KIF4A: variants seen among roughly 807,000 people sequenced by gnomAD.
KIF4A encodes the protein kinesin family member 4A, also known as chromosome-associated kinesin KIF4A.
In KIF4A, 7 loss-of-function variants were observed where a neutral mutation model predicts 105.9. The observed-to-expected ratio is 0.07, with a 90% CI of 0.04 to 0.12. The LOEUF (loss-of-function observed/expected upper bound fraction) is 0.12. Among genes scored for constraint, KIF4A ranks in the 10% least tolerant of loss-of-function variants. The pLI is 1.00. For synonymous variants in KIF4A, 281 were observed against 331.3 expected, an observed-to-expected ratio of 0.85 and a Z score of 1.65; for missense variants, 558 against 929.2, an observed-to-expected ratio of 0.60 and a Z score of 5.19.
At chrX:70,415,659 C>G (rs2086340620) in intron 28 of KIF4A, among the ~76,000 whole-genome samples, 1 of 103,800 alleles carries the variant, frequency 9.6e-6, no homozygotes, top group African/African-American at 3.5e-5. Flanking sequence ...GAATGATAAA[C>G]ACCTAATTCA....
At chrX:70,373,162 C>T (rs1336691943) in intron 15 of KIF4A, among the ~76,000 whole-genome samples, 1 of 109,024 alleles carries the variant, frequency 9.2e-6, no homozygotes, top group African/African-American at 3.3e-5. Context: ...GTCCTTGCTA[C>T]TCAGGAGGCT....
At chrX:70,405,252 C>T (rs988794949) in intron 25 of KIF4A, among the ~76,000 whole-genome samples, 10 of 111,670 alleles carry the variant, frequency 9.0e-5, no homozygotes, top group Non-Finnish European at 1.7e-4. Flanking sequence ...ACACCACACC[C>T]TTTAGTGGCA....
At chrX:70,344,299 A>G (rs2085983555) in intron 13 of KIF4A, among the ~76,000 whole-genome samples, 1 of 112,363 alleles carries the variant, frequency 8.9e-6, no homozygotes, top group Non-Finnish European at 1.9e-5. Context: ...CTAACTTAAA[A>G]AGAGGACTTG....
chrX:70,309,726 A>G (rs1033136462), intron 7 of KIF4A, among the ~76,000 whole-genome samples: 4 of 112,599 alleles, frequency 3.6e-5, no homozygotes, highest in South Asian at 3.6e-4. Flanking sequence ...ATATTTTTCA[A>G]TATGTTATTT....
intron 13 of KIF4A, among the ~76,000 whole-genome samples, chrX:70,350,911 A>G (rs1023299484): frequency 8.9e-6 from 1 of 111,865 alleles, no homozygotes; most frequent in South Asian, 3.8e-4. Flanking sequence ...TCACTTACAC[A>G]GAAGTGGTAA....
At chrX:70,329,319 T>C (rs772902985) in intron 7 of KIF4A, 86 bp from the exon 8 acceptor site, 106 of 862,885 alleles carry the variant, frequency 1.2e-4, no homozygotes, top group Middle Eastern at 3.5e-4. Context: ...TTATGGGGTC[T>C]TTATTTCTTT....
rs761668963 is a variant in KIF4A, at chrX:70,395,664, C to T, written c.2233-7C>T. On this transcript the variant is annotated splice_region_variant and splice_polypyrimidine_tract_variant and intron_variant, in intron 20 of 30. Coordinates refer to ENST00000374403, the MANE Select transcript of KIF4A (RefSeq NM_012310.5). ...CCTAACACAGACATCACTGATTTCT[C>T]TTCCAGAATTGGCTTGGAAACGAAA... The T allele has an allele frequency of 3.3e-6, 4 of 1,211,192 alleles. No individual in the cohort carries two copies. The highest frequency in any genetic ancestry group is 3.4e-6 in the Non-Finnish European group (3 of 895,230).
intron 15 of KIF4A, among the ~76,000 whole-genome samples, chrX:70,354,782 C>T (rs1446358191): frequency 8.9e-6 from 1 of 111,821 alleles, no homozygotes; most frequent in Non-Finnish European, 1.9e-5. Context: ...CCCCAGGGCC[C>T]ACGACTGCAG....
chrX:70,399,429 A>G (rs1461380193), intron 22 of KIF4A, among the ~76,000 whole-genome samples: 1 of 111,646 alleles, frequency 9.0e-6, no homozygotes, highest in Non-Finnish European at 1.9e-5. Flanking sequence ...TGTATCTGCC[A>G]CTGTGAACTT....
At chrX:70,338,601 C>T (rs1261529016) in intron 10 of KIF4A, among the ~76,000 whole-genome samples, 1 of 112,166 alleles carries the variant, frequency 8.9e-6, no homozygotes, top group African/African-American at 3.2e-5. Flanking sequence ...ACTGCTGCTG[C>T]AAACATTCAC....
chrX:70,311,966 GA>G (rs898784751), intron 7 of KIF4A, among the ~76,000 whole-genome samples: 25 of 98,322 alleles, frequency 2.5e-4, no homozygotes, highest in Admixed American at 1.1e-4. Context: ...AAAAAAAAAA[GA>G]AAAAAAAATA....
intron 28 of KIF4A, among the ~76,000 whole-genome samples, chrX:70,408,127 G>A (rs1179730370): frequency 9.1e-6 from 1 of 109,848 alleles, no homozygotes; most frequent in Non-Finnish European, 1.9e-5. Flanking sequence ...ATGGACCCCC[G>A]ACCCACAGGA....
rs754326864 is a variant in KIF4A at position 70,363,226 on chromosome X, T to G, written c.1674+9419T>G. Among the ~76,000 whole-genome samples the G allele has an allele frequency of 4.2e-5, 4 of 94,804 alleles. No homozygotes were observed. In the East Asian group the frequency reaches 1.3e-3, roughly 31 times the overall value. 82.3% of individuals were successfully genotyped at this position (94,804 alleles called of 115,157 possible). On this transcript the variant is annotated intron_variant, in intron 15 of 30. Transcript: ENST00000374403. The stretch of plus-strand genomic sequence containing the variant: ...TAGGGACTAAATGTGGTGTATATAA[T>G]GAATAGAAACTATTTTTCTTTTTTT...
At chrX:70,295,165 T>C (rs2085776693) in intron 3 of KIF4A, among the ~76,000 whole-genome samples, 1 of 111,616 alleles carries the variant, frequency 9.0e-6, no homozygotes, top group Non-Finnish European at 1.9e-5. Context: ...TTACCAGAAC[T>C]AAGCCCAAAC....
At chrX:70,294,533 A>G (rs2085773399) in intron 3 of KIF4A, among the ~76,000 whole-genome samples, 1 of 112,555 alleles carries the variant, frequency 8.9e-6, no homozygotes, top group Non-Finnish European at 1.9e-5. Context: ...TTACCCCAGC[A>G]TCAACACAAA....
At chrX:70,346,848 C>T (rs2085994993) in intron 13 of KIF4A, among the ~76,000 whole-genome samples, 1 of 112,016 alleles carries the variant, frequency 8.9e-6, no homozygotes, top group South Asian at 3.8e-4. Flanking sequence ...TTTATTAAGA[C>T]TCACTACAGT....
At chrX:70,402,511 C>T in intron 22 of KIF4A, 55 bp from the exon 23 acceptor site, 1 of 1,176,367 alleles carries the variant, frequency 8.5e-7, no homozygotes, top group Non-Finnish European at 1.1e-6. Context: ...GAGCTCTTCC[C>T]CCTTCTTGAT....
intron 22 of KIF4A, among the ~76,000 whole-genome samples, chrX:70,401,901 A>G (rs899216490): frequency 2.7e-5 from 3 of 111,860 alleles, no homozygotes; most frequent in Non-Finnish European, 3.8e-5. Context: ...TATGAAGCAC[A>G]TGCTGGTATA....
At chrX:70,316,914 A>G (rs1167559671) in intron 7 of KIF4A, among the ~76,000 whole-genome samples, 2 of 112,682 alleles carry the variant, frequency 1.8e-5, no homozygotes, top group Non-Finnish European at 3.8e-5. Context: ...TACCTATATT[A>G]GAAATGATTC....
Sources: gnomAD v4.1 joint callset for allele counts (sites outside exome capture counted in the v4.1 genomes callset) on GRCh38, gnomAD v4.1.1 for gene constraint, MANE v1.5 for transcripts, NCBI Gene and HGNC (gene_info 2026-07-23, HGNC 2026-07-21) for gene names.